PRDM10: variants seen among roughly 807,000 people sequenced by gnomAD.
PRDM10 encodes the protein PR/SET domain 10.
PRDM10 carries 65 observed loss-of-function variants against 133.1 expected under a neutral mutation model. The ratio of observed to expected loss-of-function variants is 0.49; its 90% confidence interval spans 0.40 to 0.60. The LOEUF (loss-of-function observed/expected upper bound fraction) is 0.60. PRDM10 is among the 20% of genes least tolerant of loss of function. PRDM10 has a pLI of 0.00. For missense variants in PRDM10, 1,137 were observed against 1,507.1 expected (o/e 0.75, Z 4.07); for synonymous variants, 582 against 580.4 (o/e 1.00, Z -0.04).
intron 11 of PRDM10, chr11:129,929,485 CT>C: frequency 2.8e-6 from 4 of 1,423,606 alleles, no homozygotes; most frequent in Non-Finnish European, 3.8e-6. Context: ...GAAGACTTCC[CT>C]TCAGTTGGTC....
chr11:129,925,725 A>AAC (rs1027582350), intron 11 of PRDM10, among the ~76,000 whole-genome samples: 6 of 151,712 alleles, frequency 4.0e-5, no homozygotes, highest in South Asian at 2.1e-4. Context: ...CAAACAAACA[A>AAC]AAAAACAATA....
chr11:129,967,570 A>AT (rs924125140), intron 1 of PRDM10, among the ~76,000 whole-genome samples: 1 of 152,128 alleles, frequency 6.6e-6, no homozygotes, highest in Non-Finnish European at 1.5e-5. Flanking sequence ...AAGGGTAGCA[A>AT]TTTTTTTCAT....
At chr11:129,924,629 A>G (rs1049070692) in intron 12 of PRDM10, among the ~76,000 whole-genome samples, 4 of 152,220 alleles carry the variant, frequency 2.6e-5, no homozygotes, top group Non-Finnish European at 5.9e-5. Flanking sequence ...ACTTTTTAAA[A>G]ATTATAATAG....
intron 1 of PRDM10, among the ~76,000 whole-genome samples, chr11:129,994,580 C>A (rs1272946178): frequency 6.6e-6 from 1 of 151,856 alleles, no homozygotes; most frequent in African/African-American, 2.4e-5. Context: ...AGAGACCAGC[C>A]TTGGCAACAC....
In PRDM10 at chr11:129,918,659, C is replaced by T. The variant is rs1052244198; in HGVS notation, c.2094G>A (p.Lys698=). The change falls in exon 14 of 21, where the codon AAG becomes AAA. Residue 698 remains lysine, a synonymous_variant. Transcript: ENST00000360871. The surrounding 1 kb of genome is among the most constrained non-coding windows in gnomAD (Gnocchi z 5.3). ...QRMHNPEREA[K]KADRISRSKT... ...TGGAGCGGCTGATGCGGTCGGCTTT[C>T]TTGGCCTCCCTCTCAGGATTATGCA... 5 of 1,614,054 alleles carry T rather than the reference C, an allele frequency of 3.1e-6. No homozygotes were observed. In the African/African-American group the frequency reaches 6.7e-5, roughly 22 times the overall value.
Position 129,910,455 on chromosome 11 carries a change from G to A in PRDM10, c.3163+21C>T, listed in dbSNP as rs113896741. On this transcript the variant is annotated intron_variant, in intron 19 of 20. Coordinates refer to ENST00000360871, the MANE Select transcript of PRDM10 (RefSeq NM_199437.2). ...AGATCCCCCACCCCTGACCGACACG[G>A]CATCGTCCCTTCTTACTTACAATAG... The A allele has an allele frequency of 1.9e-3, 3,005 of 1,613,316 alleles. 31 individuals carry two copies. The African/African-American group carries it at 0.03, about 16-fold the overall frequency.
At chr11:129,962,013 G>T (rs1951806551) in intron 1 of PRDM10, among the ~76,000 whole-genome samples, 1 of 152,138 alleles carries the variant, frequency 6.6e-6, no homozygotes, top group Admixed American at 6.5e-5. Context: ...TAAGTCTCAA[G>T]ATGAGAGGAA....
At position 129,914,816 on chromosome 11, in the gene PRDM10, T is replaced by C. The variant is rs1950303073; in HGVS notation, c.2729A>G (p.Tyr910Cys). 6.2e-7 allele frequency: 1 copy of C among 1,614,160 alleles called. No homozygotes were observed. The highest frequency in any genetic ancestry group is 1.1e-5 in the South Asian group (1 of 91,084). Reference protein sequence around the residue: ...TELSQTLTTDYRTPQGDYQRI... With the variant: ...TELSQTLTTDCRTPQGDYQRI... ...CTGGTAATCCCCTTGTGGCGTTCGG[T>C]AGTCTGTCGTTAAGGTCTGGGACAG... is the stretch of plus-strand genomic sequence containing the variant. Residue 910 changes from tyrosine to cysteine, a missense_variant, in exon 17 of 21, where the codon TAC becomes TGC. By Grantham distance (194) the Tyr-to-Cys change is radical (BLOSUM62 -2). Around this residue, in one of 6 missense-constraint regions of PRDM10, gnomAD observed 113 missense variants for 143.7 expected, o/e 0.79. Coordinates refer to ENST00000360871, the MANE Select transcript of PRDM10 (RefSeq NM_199437.2).
At position 129,918,970 on chromosome 11, in the gene PRDM10, T is replaced by G. The variant is rs1426911608; in HGVS notation, c.2035-252A>C. Among the ~76,000 whole-genome samples the G allele has an allele frequency of 2.0e-5, 3 of 152,192 alleles. No individual in the cohort carries two copies. The highest frequency in any genetic ancestry group is 7.2e-5 in the African/African-American group (3 of 41,434). ...AATAGGAAAGATACATACCGACTTTTGAGAATAAAGACTGTGCATTTATGT... is the reference window on the plus strand; with the variant it reads ...AATAGGAAAGATACATACCGACTTTGGAGAATAAAGACTGTGCATTTATGT... On this transcript the variant is annotated intron_variant, in intron 13 of 20. Transcript: ENST00000360871. This position sits in a 1 kb window ranked among gnomAD's most constrained non-coding sequence, Gnocchi z 5.3.
chr11:129,950,372 A>G (rs1276484735), intron 4 of PRDM10, among the ~76,000 whole-genome samples: 1 of 152,204 alleles, frequency 6.6e-6, no homozygotes, highest in Non-Finnish European at 1.5e-5. Context: ...GGTTATCTCA[A>G]ACTGCATCCG....
rs769374187 is a variant in PRDM10 at position 129,956,436 on chromosome 11, T to A, written c.235-865A>T. On this transcript the variant is annotated intron_variant, in intron 3 of 20. Transcript: ENST00000360871. ...AAAATTAGCTTGTTGTGGTGGTGGGTGCCTGTAATCCCAGTTGCTTGGGAG... is the reference window on the plus strand; with the variant it reads ...AAAATTAGCTTGTTGTGGTGGTGGGAGCCTGTAATCCCAGTTGCTTGGGAG... Among the ~76,000 whole-genome samples, 5 of 152,228 alleles carry A rather than the reference T, an allele frequency of 3.3e-5. No individual in the cohort carries two copies. The South Asian group carries it at 8.3e-4, about 25-fold the overall frequency.
At chr11:129,968,912 A>G (rs992874682) in intron 1 of PRDM10, among the ~76,000 whole-genome samples, 2 of 152,214 alleles carry the variant, frequency 1.3e-5, no homozygotes, top group East Asian at 1.9e-4. Flanking sequence ...AACAACATCA[A>G]AAAAATTAAC....
In PRDM10 at chr11:129,912,124, C is replaced by T. The variant is rs1950204608; in HGVS notation, c.2943G>A (p.Gln981=). 6.2e-7 allele frequency: 1 copy of T among 1,612,810 alleles called. No individual in the cohort carries two copies. The highest frequency in any genetic ancestry group is 8.5e-7 in the Non-Finnish European group (1 of 1,179,534). ...PQHAIQVQHI[Q]VSEPTASAPS... Reference sequence around the variant, plus strand: ...GGGCCGAGGCGGTAGGCTCGCTGACCTGGATGTGCTGCACCTGGATGGCGT... The same window carrying T: ...GGGCCGAGGCGGTAGGCTCGCTGACTTGGATGTGCTGCACCTGGATGGCGT... Residue 981 remains glutamine (Q), a synonymous_variant, in exon 18 of 21, where the codon CAG becomes CAA. Coordinates refer to ENST00000360871, the MANE Select transcript of PRDM10 (RefSeq NM_199437.2).
In PRDM10 at chr11:130,002,554, T is replaced by TC. The variant is rs566809117; in HGVS notation, c.-119+167dup. Reference sequence around the variant, plus strand: ...TCTCCCCCCCACCACCACCATCAATTCCCCCCCCACCCGGGTCCGCGGTCG... The same window carrying TC: ...TCTCCCCCCCACCACCACCATCAATTCCCCCCCCCACCCGGGTCCGCGGTCG... On this transcript the variant is annotated intron_variant, in intron 1 of 20. Coordinates refer to ENST00000360871, the MANE Select transcript of PRDM10 (RefSeq NM_199437.2). Among the ~76,000 whole-genome samples, 1,217 of 141,614 alleles carry TC rather than the reference T, an allele frequency of 8.6e-3. 6 individuals are homozygous for TC. Among genetic ancestry groups the TC allele is most frequent in the Middle Eastern group, 0.026 (7 of 272 alleles). The allele number at this position is 141,614 out of a possible 152,430, so 92.9% of individuals were successfully genotyped here.
At chr11:129,915,039 A>G (rs1195389624) in intron 16 of PRDM10, 21 bp from the exon 17 acceptor site, 1 of 1,556,906 alleles carries the variant, frequency 6.4e-7, no homozygotes, top group Admixed American at 2.0e-5. Context: ...AAGGCAAAAA[A>G]CAAGAATAAT....
Position 129,923,138 on chromosome 11 carries a change from G to T in PRDM10, c.2034+110C>A. 7.8e-7 allele frequency: 1 copy of T among 1,287,120 alleles called. No individual in the cohort carries two copies. Among genetic ancestry groups the T allele is most frequent in the Non-Finnish European group, 1.0e-6 (1 of 966,080 alleles). 79.7% of individuals were successfully genotyped at this position (1,287,120 alleles called of 1,614,324 possible). On this transcript the variant is annotated intron_variant, in intron 13 of 20. Transcript: ENST00000360871. The surrounding 1 kb of genome is among the most constrained non-coding windows in gnomAD (Gnocchi z 4.4). ...AGGCCCAAAGAGTATCTCAGGTCCA[G>T]TTCATCAGAGGTGGGTGATAAACTG...
At chr11:129,970,959 G>A (rs1265231492) in intron 1 of PRDM10, among the ~76,000 whole-genome samples, 1 of 152,118 alleles carries the variant, frequency 6.6e-6, no homozygotes, top group Non-Finnish European at 1.5e-5. Context: ...AATTGTGTCC[G>A]AAATTGGTGG....
At chr11:129,975,461 C>A (rs564082124) in intron 1 of PRDM10, among the ~76,000 whole-genome samples, 1 of 151,932 alleles carries the variant, frequency 6.6e-6, no homozygotes. Context: ...AATAGTTAAA[C>A]GGTAAATTTC....
At chr11:129,912,049 T>G in intron 18 of PRDM10, 36 bp downstream of exon 18, 2 of 1,539,534 alleles carry the variant, frequency 1.3e-6, no homozygotes, top group Middle Eastern at 3.6e-4. Flanking sequence ...CCTGAAGCCA[T>G]GATAACACCT....
Sources: gnomAD v4.1 joint callset for allele counts (sites outside exome capture counted in the v4.1 genomes callset) on GRCh38, gnomAD v4.1.1 for gene constraint, gnomAD v4.1.1 regional missense constraint, Gnocchi (gnomAD v3.1) non-coding constraint, MANE v1.5 for transcripts, NCBI Gene and HGNC (gene_info 2026-07-23, HGNC 2026-07-21) for gene names.